The following WDR70 variants were observed in gnomAD, a reference collection of about 807,000 sequenced individuals.
The protein encoded by WDR70 is WD repeat domain 70.
In WDR70, 53 loss-of-function variants were observed where a neutral mutation model predicts 88.6. That is an observed-to-expected ratio of 0.60 (90% CI 0.48 to 0.75). WDR70 has a LOEUF of 0.75. Among genes scored for constraint, WDR70 ranks in the 30% least tolerant of loss-of-function variants. WDR70 has a pLI of 0.00. For missense variants in WDR70, 610 were observed against 823.2 expected, an observed-to-expected ratio of 0.74 and a Z score of 3.17; for synonymous variants, 280 against 270.0, an observed-to-expected ratio of 1.04 and a Z score of -0.36.
intron 13 of WDR70, among the ~76,000 whole-genome samples, chr5:37,706,716 T>TACACAC (rs58482881): frequency 0.48 from 71,653 of 149,682 alleles, 18,062 homozygotes; most frequent in Admixed American, 0.59. Flanking sequence ...AACAGAGTAA[T>TACACAC]ACACACACAC....
At chr5:37,734,854 T>G (rs972230156) in intron 17 of WDR70, among the ~76,000 whole-genome samples, 3 of 152,188 alleles carry the variant, frequency 2.0e-5, no homozygotes, top group Non-Finnish European at 4.4e-5. Context: ...TGGGATGAAT[T>G]ATATTACTAG....
At chr5:37,443,408 C>T in intron 7 of WDR70, 36 bp downstream of exon 7, 1 of 1,609,954 alleles carries the variant, frequency 6.2e-7, no homozygotes, top group Non-Finnish European at 8.5e-7. Context: ...TCATATTTGA[C>T]CTAATGTCTT....
chr5:37,487,627 A>ATTTTT (rs70978825), intron 8 of WDR70, among the ~76,000 whole-genome samples: 5 of 69,068 alleles, frequency 7.2e-5, no homozygotes, highest in African/African-American at 2.5e-4. Flanking sequence ...ATATATATGT[A>ATTTTT]TTTTTTTTTT....
intron 3 of WDR70, among the ~76,000 whole-genome samples, chr5:37,383,812 T>C (rs1304353760): frequency 3.3e-5 from 5 of 150,548 alleles, no homozygotes; most frequent in Non-Finnish European, 7.4e-5. Flanking sequence ...CTCGATCTCC[T>C]GACCTCGTGA....
At chr5:37,675,371 A>G (rs555984979) in intron 10 of WDR70, among the ~76,000 whole-genome samples, 255 of 152,132 alleles carry the variant, frequency 1.7e-3, no homozygotes, top group Admixed American at 3.5e-3. Context: ...TTTTAGGTCT[A>G]ACGTTTAAGT....
At chr5:37,708,803 G>A (rs575880819) in intron 13 of WDR70, among the ~76,000 whole-genome samples, 1 of 152,158 alleles carries the variant, frequency 6.6e-6, no homozygotes, top group African/African-American at 2.4e-5. Context: ...GCTTTGGAAT[G>A]TATCTTTGTT....
chr5:37,706,457 A>C (rs1013479560), intron 13 of WDR70, among the ~76,000 whole-genome samples: 1 of 152,128 alleles, frequency 6.6e-6, no homozygotes, highest in African/African-American at 2.4e-5. Context: ...TATTTGAATC[A>C]TGGGGGCGGG....
intron 10 of WDR70, among the ~76,000 whole-genome samples, chr5:37,678,451 T>C (rs1180588269): frequency 6.6e-6 from 1 of 152,192 alleles, no homozygotes; most frequent in Non-Finnish European, 1.5e-5. Context: ...TGTCAGCATT[T>C]GCTTGTCTGT....
intron 7 of WDR70, among the ~76,000 whole-genome samples, chr5:37,469,783 C>A (rs1468307016): frequency 6.6e-6 from 1 of 152,142 alleles, no homozygotes; most frequent in African/African-American, 2.4e-5. Flanking sequence ...TGTGTGACCC[C>A]ATTTGACCTT....
chr5:37,693,393 G>A (rs1271829120), intron 10 of WDR70, among the ~76,000 whole-genome samples: 12 of 152,136 alleles, frequency 7.9e-5, no homozygotes, highest in South Asian at 2.1e-4. Flanking sequence ...AAAAGAGCCC[G>A]CATTGCCAAC....
At chr5:37,737,573 G>A (rs1349367179) in intron 17 of WDR70, among the ~76,000 whole-genome samples, 4 of 152,174 alleles carry the variant, frequency 2.6e-5, no homozygotes, top group Admixed American at 6.5e-5. Context: ...CCTGATCCAT[G>A]AAGTTGGGCA....
At chr5:37,430,947 G>A (rs957782911) in intron 5 of WDR70, among the ~76,000 whole-genome samples, 2 of 152,010 alleles carry the variant, frequency 1.3e-5, no homozygotes, top group Admixed American at 6.6e-5. Context: ...TCTGCCTCCC[G>A]GGTTCAGGCC....
intron 15 of WDR70, chr5:37,723,846 C>G (rs1020445735): frequency 3.9e-5 from 6 of 152,158 alleles, no homozygotes; most frequent in Admixed American, 2.0e-4. Context: ...CTATTTTCCC[C>G]CTCCTAAAAA....
rs1441182530 is a variant in WDR70 at position 37,752,734 on chromosome 5, T to G, written c.*161T>G. On this transcript the variant is annotated 3_prime_UTR_variant, in exon 18 of 18. Transcript: ENST00000265107. The stretch of plus-strand genomic sequence containing the variant: ...GTTTGGTGGCTAGGCTTCACTAAAA[T>G]TGTGCTTAAATTTTCTTACCTGCAA... The G allele has an allele frequency of 1.7e-6, 1 of 578,794 alleles. No individual in the cohort carries two copies. Among genetic ancestry groups the G allele is most frequent in the Non-Finnish European group, 3.0e-6 (1 of 331,998 alleles). 35.9% of individuals were successfully genotyped at this position (578,794 alleles called of 1,614,324 possible).
intron 9 of WDR70, among the ~76,000 whole-genome samples, chr5:37,552,783 A>G (rs1561898870): frequency 6.6e-6 from 1 of 151,812 alleles, no homozygotes; most frequent in Non-Finnish European, 1.5e-5. Flanking sequence ...AGCTGAATGC[A>G]CAGAGATAAA....
intron 10 of WDR70, among the ~76,000 whole-genome samples, chr5:37,617,110 TC>T (rs1744367339): frequency 6.6e-6 from 1 of 152,230 alleles, no homozygotes; most frequent in African/African-American, 2.4e-5. Context: ...ATATTTTAAT[TC>T]ATTTAATCCT....
At chr5:37,579,063 G>A (rs916690869) in intron 9 of WDR70, among the ~76,000 whole-genome samples, 1 of 152,210 alleles carries the variant, frequency 6.6e-6, no homozygotes, top group African/African-American at 2.4e-5. Flanking sequence ...GAATGAAGGA[G>A]CAAGCGAATG....
At chr5:37,691,943 A>T (rs1230289466) in intron 10 of WDR70, among the ~76,000 whole-genome samples, 1 of 152,174 alleles carries the variant, frequency 6.6e-6, no homozygotes, top group African/African-American at 2.4e-5. Context: ...GATCAACAAA[A>T]TTGATAGACC....
chr5:37,583,536 A>C (rs58969082), intron 9 of WDR70, among the ~76,000 whole-genome samples: 4,033 of 59,576 alleles, frequency 0.068, 417 homozygotes, highest in African/African-American at 0.096. Flanking sequence ...GGCTATGACA[A>C]GCAGTCATAG....
Sources: gnomAD v4.1 joint callset for allele counts (sites outside exome capture counted in the v4.1 genomes callset) on GRCh38, gnomAD v4.1.1 for gene constraint, MANE v1.5 for transcripts, NCBI Gene and HGNC (gene_info 2026-07-23, HGNC 2026-07-21) for gene names.